The following PTPRD variants were observed in gnomAD, a reference collection of about 807,000 sequenced individuals.
PTPRD encodes the protein receptor-type tyrosine-protein phosphatase delta.
Under a neutral mutation model 214.5 loss-of-function variants are expected in PTPRD, and 34 were observed. The ratio of observed to expected loss-of-function variants is 0.16; its 90% CI spans 0.12 to 0.21. PTPRD has a LOEUF of 0.21. Among genes scored for constraint, PTPRD ranks in the 10% least tolerant of loss-of-function variants. PTPRD has a pLI of 1.00. For missense variants in PTPRD, 2,545 were observed against 2,398.7 expected, an observed-to-expected ratio of 1.06 and a Z score of -1.27; for synonymous variants, 1,128 against 845.7, an observed-to-expected ratio of 1.33 and a Z score of -5.79.
intron 3 of PTPRD, among the ~76,000 whole-genome samples, chr9:10,338,524 G>A (rs149617342): frequency 2.6e-5 from 4 of 151,848 alleles, no homozygotes; most frequent in Non-Finnish European, 4.4e-5. Context: ...CACAAGGTTG[G>A]CCTATTTTGA....
chr9:10,168,462 T>C (rs993040322), intron 3 of PTPRD, among the ~76,000 whole-genome samples: 3 of 152,234 alleles, frequency 2.0e-5, no homozygotes, highest in Non-Finnish European at 2.9e-5. Context: ...ATGTCCTTTG[T>C]GAAACCTTGC....
intron 2 of PTPRD, among the ~76,000 whole-genome samples, chr9:10,361,025 ACG>A (rs2097374797): frequency 1.3e-5 from 2 of 151,990 alleles, no homozygotes; most frequent in Non-Finnish European, 2.9e-5. Flanking sequence ...TGGCGTGAAC[ACG>A]GGAGGCGGAG....
intron 5 of PTPRD, among the ~76,000 whole-genome samples, chr9:9,886,896 C>A (rs2071149191): frequency 6.6e-6 from 1 of 152,068 alleles, no homozygotes; most frequent in African/African-American, 2.4e-5. Context: ...GAAGGTCTGT[C>A]CCAGATGGAG....
In PTPRD at chr9:8,500,558, G is replaced by GAAAAAAAAAAAAA. The variant is rs146807692; in HGVS notation, c.2128+183_2128+195dup. 2.9e-3 allele frequency among the ~76,000 whole-genome samples: 42 copies of GAAAAAAAAAAAAA among 14,314 alleles called. 12 individuals are homozygous for GAAAAAAAAAAAAA. The highest frequency in any genetic ancestry group is 5.3e-3 in the African/African-American group (17 of 3,192). The allele number at this position is 14,314 out of a possible 152,430, so 9.4% of individuals were successfully genotyped here. On this transcript the variant is annotated intron_variant, in intron 24 of 45. Transcript: ENST00000381196. Reference sequence around the variant, plus strand: ...TTACTGCATTGAGATTGAAAAAAATGAAAAAAAAAAAAAAAAAAAAAAAAA... The same window carrying GAAAAAAAAAAAAA: ...TTACTGCATTGAGATTGAAAAAAATGAAAAAAAAAAAAAAAAAAAAAAAAAAAAAAAAAAAAAA...
At chr9:9,147,795 A>G (rs577349506) in intron 10 of PTPRD, among the ~76,000 whole-genome samples, 27 of 152,266 alleles carry the variant, frequency 1.8e-4, no homozygotes, top group Admixed American at 1.4e-3. Flanking sequence ...AGTGGTTTTC[A>G]AAGTCTTTTT....
At chr9:8,483,281 T>A (rs779445183) in intron 30 of PTPRD, among the ~76,000 whole-genome samples, 1 of 152,240 alleles carries the variant, frequency 6.6e-6, no homozygotes, top group Non-Finnish European at 1.5e-5. Context: ...TTTTTAACTT[T>A]AACTTTTTGG....
At chr9:10,545,583 A>T (rs758522657) in intron 2 of PTPRD, among the ~76,000 whole-genome samples, 32 of 152,144 alleles carry the variant, frequency 2.1e-4, no homozygotes, top group Non-Finnish European at 3.5e-4. Context: ...TTCAAAGCAT[A>T]CCATGTTTAA....
intron 10 of PTPRD, among the ~76,000 whole-genome samples, chr9:9,066,344 A>C (rs891451672): frequency 6.6e-6 from 1 of 152,162 alleles, no homozygotes; most frequent in African/African-American, 2.4e-5. Flanking sequence ...AACCTCTAAA[A>C]GAAATGACAA....
intron 11 of PTPRD, among the ~76,000 whole-genome samples, chr9:8,795,480 A>T (rs1241270779): frequency 6.6e-6 from 1 of 152,182 alleles, no homozygotes; most frequent in African/African-American, 2.4e-5. Context: ...TGAAAAAATT[A>T]AATAGCCTAC....
chr9:10,162,542 A>G (rs2099133472), intron 3 of PTPRD, among the ~76,000 whole-genome samples: 2 of 150,552 alleles, frequency 1.3e-5, no homozygotes, highest in African/African-American at 4.9e-5. Context: ...AAAGGCCAGA[A>G]AGGGTAGAGA....
At chr9:9,064,638 C>T (rs1368359866) in intron 10 of PTPRD, among the ~76,000 whole-genome samples, 1 of 152,196 alleles carries the variant, frequency 6.6e-6, no homozygotes, top group Non-Finnish European at 1.5e-5. Context: ...CCATCGCTTT[C>T]TTTAAAGATG....
At chr9:8,898,544 A>G (rs532935979) in intron 11 of PTPRD, among the ~76,000 whole-genome samples, 72 of 152,358 alleles carry the variant, frequency 4.7e-4, no homozygotes, top group Admixed American at 4.6e-4. Context: ...GTATTGCATT[A>G]CATTTTACAT....
At chr9:8,733,712 T>C (rs2098686333) in intron 12 of PTPRD, 68 bp downstream of exon 12, 7 of 1,487,880 alleles carry the variant, frequency 4.7e-6, no homozygotes, top group Non-Finnish European at 6.4e-6. Context: ...GCCCTGAGCC[T>C]GGTGCCAACT....
At chr9:8,333,321 GC>G (rs1455444860) in intron 43 of PTPRD, among the ~76,000 whole-genome samples, 1 of 152,094 alleles carries the variant, frequency 6.6e-6, no homozygotes, top group Non-Finnish European at 1.5e-5. Flanking sequence ...GACCACAGTT[GC>G]TTTCAATAGC....
At chr9:10,239,510 G>T (rs892010947) in intron 3 of PTPRD, among the ~76,000 whole-genome samples, 2 of 151,812 alleles carry the variant, frequency 1.3e-5, no homozygotes, top group African/African-American at 2.4e-5. Context: ...TACTAATAGG[G>T]TTGAACTTAC....
Position 10,453,862 on chromosome 9 carries a change from C to A in PTPRD, c.-599-112845G>T, listed in dbSNP as rs183434612. 6.6e-5 allele frequency among the ~76,000 whole-genome samples: 10 copies of A among 151,602 alleles called. No individual in the cohort carries two copies. In the East Asian group the frequency reaches 1.9e-3, roughly 29 times the overall value. ...AATGAAACTGGTAAGAATGATAACC[C>A]TTGTCTTCTTCTAGATATTAGAAAA... is the stretch of plus-strand genomic sequence containing the variant. On this transcript the variant is annotated intron_variant, in intron 2 of 45. Transcript: ENST00000381196.
In PTPRD at chr9:9,084,627, G is replaced by C. The variant is rs768214926; in HGVS notation, c.-142-65892C>G. On this transcript the variant is annotated intron_variant, in intron 10 of 45. Coordinates refer to ENST00000381196, the MANE Select transcript of PTPRD (RefSeq NM_002839.4). Reference sequence around the variant, plus strand: ...GTATTTAAAGGACTGTAAATGAATGGGATCTGAGAGTGTTATTTTTAAGCA... The same window carrying C: ...GTATTTAAAGGACTGTAAATGAATGCGATCTGAGAGTGTTATTTTTAAGCA... Among the ~76,000 whole-genome samples, 3 of 152,102 alleles carry C rather than the reference G, an allele frequency of 2.0e-5. No homozygotes were observed. In the East Asian group the frequency reaches 5.8e-4, roughly 29 times the overall value.
intron 2 of PTPRD, among the ~76,000 whole-genome samples, chr9:10,492,825 C>T (rs10120202): frequency 0.69 from 104,808 of 151,922 alleles, 37,852 homozygotes; most frequent in Middle Eastern, 0.84. Flanking sequence ...GACTTTCTTT[C>T]AGGGTTTTTA....
At chr9:8,790,316 T>C (rs1012897702) in intron 11 of PTPRD, among the ~76,000 whole-genome samples, 2 of 152,130 alleles carry the variant, frequency 1.3e-5, no homozygotes, top group Non-Finnish European at 2.9e-5. Flanking sequence ...GCACTTGGCC[T>C]CATTTATAAA....
Sources: allele counts gnomAD v4.1 joint callset (sites outside exome capture counted in the v4.1 genomes callset), GRCh38; gene constraint gnomAD v4.1.1; transcripts MANE v1.5; gene names NCBI Gene and HGNC (gene_info 2026-07-23, HGNC 2026-07-21).